Variants in DNER observed in about 807,000 individuals in gnomAD.
DNER encodes the protein delta and Notch-like epidermal growth factor-related receptor.
A neutral mutation model predicts 78.2 loss-of-function variants in DNER; 33 were observed. That is an observed-to-expected ratio of 0.42 (90% CI 0.32 to 0.56). DNER has a LOEUF of 0.56. DNER is among the 20% of genes least tolerant of loss of function. The probability of loss-of-function intolerance (pLI) is 0.11; values close to 1 mark genes in which losing one functional copy is unlikely to be tolerated. For missense variants in DNER, 918 were observed against 975.3 expected (o/e 0.94, Z 0.78); for synonymous variants, 417 against 384.8 (o/e 1.08, Z -0.98).
At chr2:229,560,950 G>T (rs1696946939) in intron 4 of DNER, among the ~76,000 whole-genome samples, 1 of 152,162 alleles carries the variant, frequency 6.6e-6, no homozygotes, top group African/African-American at 2.4e-5. Flanking sequence ...CATCACTGAA[G>T]AATGTCACTT....
At chr2:229,384,834 A>C (rs978738799) in intron 11 of DNER, among the ~76,000 whole-genome samples, 1 of 152,170 alleles carries the variant, frequency 6.6e-6, no homozygotes, top group Non-Finnish European at 1.5e-5. Context: ...TCAGAGGTAC[A>C]AAGAGGAGCT....
chr2:229,567,112 T>C (rs1277806935), intron 4 of DNER, among the ~76,000 whole-genome samples: 1 of 152,256 alleles, frequency 6.6e-6, no homozygotes, highest in Non-Finnish European at 1.5e-5. Context: ...TCCAACCTTC[T>C]GCCTACAAGG....
intron 6 of DNER, among the ~76,000 whole-genome samples, chr2:229,484,902 C>T (rs1045501075): frequency 2.0e-5 from 3 of 152,194 alleles, no homozygotes; most frequent in African/African-American, 7.2e-5. Flanking sequence ...AGCAGAGAAA[C>T]AGCACCTTCA....
intron 6 of DNER, among the ~76,000 whole-genome samples, chr2:229,500,268 C>G (rs1207413840): frequency 1.3e-5 from 2 of 152,044 alleles, no homozygotes; most frequent in African/African-American, 2.4e-5. Context: ...ATACAAATGG[C>G]CAACAAGTAT....
intron 1 of DNER, among the ~76,000 whole-genome samples, chr2:229,683,009 T>A (rs1427566213): frequency 6.6e-6 from 1 of 152,152 alleles, no homozygotes; most frequent in African/African-American, 2.4e-5. Context: ...GAAAACAAAT[T>A]TATTTTGTAA....
intron 2 of DNER, among the ~76,000 whole-genome samples, chr2:229,589,615 C>T (rs1259018512): frequency 6.6e-6 from 1 of 152,162 alleles, no homozygotes; most frequent in African/African-American, 2.4e-5. Flanking sequence ...GAAGATGAGG[C>T]ATTTCCTTTT....
chr2:229,589,042 AAATT>A (rs1212324043), intron 2 of DNER, among the ~76,000 whole-genome samples: 1 of 152,214 alleles, frequency 6.6e-6, no homozygotes, highest in Non-Finnish European at 1.5e-5. Flanking sequence ...CTTCGCTTTT[AAATT>A]ATTTCCCAAA....
At chr2:229,675,863 A>G (rs1268972382) in intron 1 of DNER, among the ~76,000 whole-genome samples, 1 of 152,196 alleles carries the variant, frequency 6.6e-6, no homozygotes, top group Non-Finnish European at 1.5e-5. Context: ...GTGAATAATG[A>G]AGTCCACCTC....
intron 1 of DNER, among the ~76,000 whole-genome samples, chr2:229,628,877 G>C (rs1698389865): frequency 6.6e-6 from 1 of 152,184 alleles, no homozygotes; most frequent in African/African-American, 2.4e-5. Context: ...CTCAGGATCT[G>C]ACCACTGACG....
chr2:229,652,194 T>G (rs1441573434), intron 1 of DNER, among the ~76,000 whole-genome samples: 6 of 151,792 alleles, frequency 4.0e-5, no homozygotes, highest in Non-Finnish European at 7.4e-5. Context: ...GCAGGAAGAG[T>G]GAGGTCTTGA....
In DNER at chr2:229,639,761, A is replaced by G. The variant is rs527532841; in HGVS notation, c.277-47873T>C. On this transcript the variant is annotated intron_variant, in intron 1 of 12. Transcript: ENST00000341772. ...CACAGACATCAAGCAGCTGGCCACC[A>G]AAGGACTGGGCCAGGAAGTCAAGAT... Among the ~76,000 whole-genome samples, 65 of 152,318 alleles carry G rather than the reference A, an allele frequency of 4.3e-4. 1 individual carries two copies. Among genetic ancestry groups the G allele is most frequent in the African/African-American group, 1.5e-3 (63 of 41,580 alleles).
At position 229,433,576 on chromosome 2, in the gene DNER, G is replaced by A. The variant is rs185817122; in HGVS notation, c.1486+13740C>T. ...ATGACTAGGAGTCACACATGCCTAA[G>A]CGGAATGAGGATAAACAAGTTCATA... On this transcript the variant is annotated intron_variant, in intron 8 of 12. Transcript: ENST00000341772. Among the ~76,000 whole-genome samples, 41 of 152,314 alleles carry A rather than the reference G, an allele frequency of 2.7e-4. 1 individual carries two copies. In the East Asian group the frequency reaches 5.8e-3, roughly 22 times the overall value.
intron 8 of DNER, among the ~76,000 whole-genome samples, chr2:229,428,098 AAAAAG>A (rs1234051701): frequency 2.0e-5 from 3 of 151,860 alleles, no homozygotes; most frequent in Admixed American, 6.6e-5. Context: ...AAAAAGAGAA[AAAAAG>A]AAAAGAAAAG....
intron 6 of DNER, among the ~76,000 whole-genome samples, chr2:229,500,670 G>T (rs1232686212): frequency 6.6e-6 from 1 of 152,026 alleles, no homozygotes; most frequent in Non-Finnish European, 1.5e-5. Context: ...AAGAAAATGT[G>T]GTGTATATAT....
At chr2:229,489,443 A>G (rs1316202659) in intron 6 of DNER, among the ~76,000 whole-genome samples, 1 of 150,186 alleles carries the variant, frequency 6.7e-6, no homozygotes, top group Non-Finnish European at 1.5e-5. Flanking sequence ...ACTGCAATCA[A>G]GTGTGGGATC....
At chr2:229,660,114 C>T (rs568163419) in intron 1 of DNER, among the ~76,000 whole-genome samples, 1 of 152,198 alleles carries the variant, frequency 6.6e-6, no homozygotes, top group African/African-American at 2.4e-5. Flanking sequence ...TGTAAATGTG[C>T]TCCTTAAGTG....
chr2:229,542,847 ATT>A, intron 5 of DNER, among the ~76,000 whole-genome samples: 1 of 151,578 alleles, frequency 6.6e-6, no homozygotes, highest in South Asian at 2.1e-4. Context: ...CCCCCCAGAC[ATT>A]TCTCTCCAAC....
At position 229,477,241 on chromosome 2, in the gene DNER, T is replaced by A; in HGVS notation, c.1160A>T (p.Glu387Val). 2 of 1,612,550 alleles carry A rather than the reference T, an allele frequency of 1.2e-6. No homozygotes were observed. Among genetic ancestry groups the A allele is most frequent in the Non-Finnish European group, 1.7e-6 (2 of 1,179,230 alleles). ...GTAATCAATCTTGGACTGGCAAAGC[T>A]CTCCAGTATAACCTGAATAAAACAA... ...TCVCLPGYTGELCQSKIDYCI... is the reference protein window; with the variant it reads ...TCVCLPGYTGVLCQSKIDYCI... Residue 387 changes from glutamate (E) to valine (V), a missense_variant, in exon 7 of 13, where the codon GAG becomes GTG. Glu to Val is a moderately radical substitution (Grantham distance 121). Transcript: ENST00000341772.
chr2:229,362,607 T>C (rs1293123832), intron 12 of DNER, among the ~76,000 whole-genome samples: 1 of 152,230 alleles, frequency 6.6e-6, no homozygotes, highest in South Asian at 2.1e-4. Context: ...TTCTTTTGCC[T>C]ATAATGGGGG....
Sources: allele counts gnomAD v4.1 joint callset (sites outside exome capture counted in the v4.1 genomes callset), GRCh38; gene constraint gnomAD v4.1.1; transcripts MANE v1.5; gene names NCBI Gene and HGNC (gene_info 2026-07-23, HGNC 2026-07-21).